The following PCNT variants were observed in gnomAD, a reference collection of about 807,000 sequenced individuals.
The protein encoded by PCNT is kendrin.
In PCNT, 319 loss-of-function variants were observed where a neutral mutation model predicts 380.4. The ratio of observed to expected loss-of-function variants is 0.84; its 90% confidence interval spans 0.77 to 0.92. PCNT has a LOEUF of 0.92. Among genes scored for constraint, PCNT ranks in the 40% least tolerant of loss-of-function variants. The probability of loss-of-function intolerance (pLI) is 0.00; values close to 1 mark genes in which losing one functional copy is unlikely to be tolerated. For missense variants in PCNT, 4,400 were observed against 4,255.3 expected, an observed-to-expected ratio of 1.03 and a Z score of -0.95; for synonymous variants, 1,845 against 1,735.2, an observed-to-expected ratio of 1.06 and a Z score of -1.57.
intron 17 of PCNT, among the ~76,000 whole-genome samples, chr21:46,387,140 G>T (rs895535031): frequency 6.6e-6 from 1 of 152,236 alleles, no homozygotes; most frequent in Non-Finnish European, 1.5e-5. Flanking sequence ...CGGAGACCAG[G>T]TCGGGCTTAT....
At chr21:46,344,250 A>G (rs1003542714) in intron 3 of PCNT, among the ~76,000 whole-genome samples, 1 of 151,414 alleles carries the variant, frequency 6.6e-6, no homozygotes, top group Non-Finnish European at 1.5e-5. Flanking sequence ...ATTTTTTTGT[A>G]TTTTTGGTAG....
chr21:46,410,706 G>A (rs953013947), intron 27 of PCNT, among the ~76,000 whole-genome samples: 9 of 152,184 alleles, frequency 5.9e-5, no homozygotes, highest in Non-Finnish European at 1.3e-4. Context: ...TGGCAGAGAC[G>A]CCTCATCACC....
rs537458208 is a variant in PCNT at position 46,394,634 on chromosome 21, G to T, written c.4217-2631G>T. 16 of 402,040 alleles carry T rather than the reference G, an allele frequency of 4.0e-5. No individual in the cohort carries two copies. The South Asian group carries it at 1.3e-3, about 34-fold the overall frequency. 24.9% of individuals were successfully genotyped at this position (402,040 alleles called of 1,614,324 possible). On this transcript the variant is annotated intron_variant, in intron 21 of 46. Transcript: ENST00000359568. ...TAAAGAAAAGTACTTCAGACCTTTT[G>T]TGGCAAACAATAAATACAGCGATAC...
intron 13 of PCNT, among the ~76,000 whole-genome samples, chr21:46,363,252 C>A (rs574267925): frequency 2.0e-5 from 3 of 152,120 alleles, no homozygotes; most frequent in Non-Finnish European, 4.4e-5. Context: ...AAAGAACAGT[C>A]GGTTCTCGGT....
At chr21:46,370,233 G>A (rs369123962) in intron 15 of PCNT, among the ~76,000 whole-genome samples, 2 of 151,890 alleles carry the variant, frequency 1.3e-5, no homozygotes, top group Admixed American at 6.6e-5. Context: ...CCGGGGGGGG[G>A]TGTCTTTGGT....
rs915922018 is a variant in PCNT at position 46,412,964 on chromosome 21, T to C, written c.6122T>C (p.Met2041Thr). 2.5e-6 allele frequency: 4 copies of C among 1,609,392 alleles called. No homozygotes were observed. Among genetic ancestry groups the C allele is most frequent in the South Asian group, 1.1e-5 (1 of 91,054 alleles). Residue 2041 changes from methionine (M) to threonine (T), a missense_variant, in exon 29 of 47, where the codon ATG becomes ACG. Coordinates refer to ENST00000359568, the MANE Select transcript of PCNT (RefSeq NM_006031.6). The stretch of plus-strand genomic sequence containing the variant: ...GAGCTGCTCTTGGTGAAAAATGAAA[T>C]GCGCCTGAGTCTGGAGGACGGCGGC... ...QSELLLVKNEMRLSLEDGGKG... is the reference protein window; with the variant it reads ...QSELLLVKNETRLSLEDGGKG...
chr21:46,415,902 C>G (rs763198684), intron 29 of PCNT, among the ~76,000 whole-genome samples, 167 bp from the exon 30 acceptor site: 1 of 152,138 alleles, frequency 6.6e-6, no homozygotes, highest in Non-Finnish European at 1.5e-5. Context: ...AGATGTAAGC[C>G]TTGGTTCTGT....
intron 16 of PCNT, among the ~76,000 whole-genome samples, chr21:46,384,416 G>T (rs370718110): frequency 6.9e-6 from 1 of 144,774 alleles, no homozygotes; most frequent in Non-Finnish European, 1.5e-5. Context: ...CAGCGGAAGC[G>T]CATTCACCAT....
At chr21:46,408,199 G>A (rs952526518) in intron 27 of PCNT, among the ~76,000 whole-genome samples, 9 of 152,178 alleles carry the variant, frequency 5.9e-5, no homozygotes, top group Non-Finnish European at 8.8e-5. Flanking sequence ...GTCAGGTGTT[G>A]TAATGCACTG....
chr21:46,387,692 C>G (rs1010332425), intron 17 of PCNT, among the ~76,000 whole-genome samples: 3 of 152,184 alleles, frequency 2.0e-5, no homozygotes, highest in African/African-American at 7.2e-5. Context: ...CTGCACGACA[C>G]TGCCTCCCGT....
chr21:46,434,945 G>A (rs963888274), intron 38 of PCNT, among the ~76,000 whole-genome samples: 4 of 152,128 alleles, frequency 2.6e-5, no homozygotes, highest in South Asian at 4.1e-4. Flanking sequence ...TTTGGACCCC[G>A]CGTGCTTGCC....
At chr21:46,412,549 A>G (rs976869369) in intron 28 of PCNT, among the ~76,000 whole-genome samples, 2 of 152,164 alleles carry the variant, frequency 1.3e-5, no homozygotes, top group East Asian at 1.9e-4. Flanking sequence ...CTTGGTGCCT[A>G]CCACCCCCAC....
At chr21:46,404,623 T>C (rs1704958870) in intron 27 of PCNT, among the ~76,000 whole-genome samples, 1 of 151,598 alleles carries the variant, frequency 6.6e-6, no homozygotes, top group Admixed American at 6.6e-5. Flanking sequence ...GTCTTCTGTT[T>C]CCTCATACAA....
chr21:46,410,293 G>GT lies in PCNT; in HGVS notation c.5116-888dup, dbSNP rs537712858. Among the ~76,000 whole-genome samples the GT allele has an allele frequency of 4.8e-3, 726 of 152,078 alleles. 9 individuals carry two copies. Among genetic ancestry groups the GT allele is most frequent in the Non-Finnish European group, 4.4e-3 (299 of 67,992 alleles). ...AGCCACAGGTTCATCCGGTTCCTTT[G>GT]TTTTTTTTCTGTAGGCCAGATTTGC... On this transcript the variant is annotated intron_variant, in intron 27 of 46. Transcript: ENST00000359568.
At chr21:46,418,099 T>C in intron 30 of PCNT, 105 bp from the exon 31 acceptor site, 1 of 722,726 alleles carries the variant, frequency 1.4e-6, no homozygotes, top group South Asian at 1.5e-5. Flanking sequence ...ATCTGGGGTC[T>C]ATGTGGGAAG....
rs2085554049 is a variant in PCNT at position 46,381,821 on chromosome 21, A to G, written c.3293A>G (p.Lys1098Arg). 6.2e-7 allele frequency: 1 copy of G among 1,614,112 alleles called. No individual in the cohort carries two copies. Among genetic ancestry groups the G allele is most frequent in the African/African-American group, 1.3e-5 (1 of 74,958 alleles). The change falls in exon 16 of 47, where the codon AAG becomes AGG. Residue 1098 changes from lysine (K) to arginine (R), a missense_variant. Physicochemically the swap from Lys to Arg is conservative, Grantham distance 26. Coordinates refer to ENST00000359568, the MANE Select transcript of PCNT (RefSeq NM_006031.6). Reference protein sequence around the residue: ...KESLSLQLQKKNHQVQQLKDQ... With the variant: ...KESLSLQLQKRNHQVQQLKDQ... ...TCTTTGTCTCTGCAGCTTCAAAAGA[A>G]GAATCACCAAGTCCAGCAGGTGTGT...
rs546619044 is a variant in PCNT, at chr21:46,365,177, G to A, written c.2609+1243G>A. 1.0e-3 allele frequency among the ~76,000 whole-genome samples: 153 copies of A among 152,124 alleles called. 2 individuals carry two copies. The highest frequency in any genetic ancestry group is 6.8e-3 in the Middle Eastern group (2 of 292). ...GGGTTCTATTCATTCACTGCCATGG[G>A]GTTCTCCTCACTGCCGTGGGGTTCT... On this transcript the variant is annotated intron_variant, in intron 14 of 46. Coordinates refer to ENST00000359568, the MANE Select transcript of PCNT (RefSeq NM_006031.6).
chr21:46,346,636 T>C lies in PCNT; in HGVS notation c.721-107T>C, dbSNP rs180821740. 387 of 1,391,118 alleles carry C rather than the reference T, an allele frequency of 2.8e-4. 1 individual carries two copies. In the East Asian group the frequency reaches 9.5e-3, roughly 34 times the overall value. The allele number at this position is 1,391,118 out of a possible 1,614,324, so 86.2% of individuals were successfully genotyped here. On this transcript the variant is annotated intron_variant, in intron 4 of 46. Transcript: ENST00000359568. ...CTGCTTCCACGGGATGTCTGCTGTT[T>C]CATTTTCTGTGTCTTCCTTACTCAT...
Position 46,349,139 on chromosome 21 carries a change from A to G in PCNT, c.1160A>G (p.Gln387Arg). Reference sequence around the variant, plus strand: ...CAGTTTCAGAAAGAATTGGCAGAACAGAGAGCTGAGTTGGAGAAGATTTTT... The same window carrying G: ...CAGTTTCAGAAAGAATTGGCAGAACGGAGAGCTGAGTTGGAGAAGATTTTT... ...QNQFQKELAE[Q>R]RAELEKIFQD... The change falls in exon 7 of 47, where the codon CAG becomes CGG. Residue 387 changes from glutamine (Q) to arginine (R), a missense_variant. Coordinates refer to ENST00000359568, the MANE Select transcript of PCNT (RefSeq NM_006031.6). 2 of 1,613,968 alleles carry G rather than the reference A, an allele frequency of 1.2e-6. No individual in the cohort carries two copies. Among genetic ancestry groups the G allele is most frequent in the African/African-American group, 1.3e-5 (1 of 75,060 alleles).
Sources: allele counts gnomAD v4.1 joint callset (sites outside exome capture counted in the v4.1 genomes callset), GRCh38; gene constraint gnomAD v4.1.1; transcripts MANE v1.5; gene names NCBI Gene and HGNC (gene_info 2026-07-23, HGNC 2026-07-21).